The following STPG2 variants were observed in gnomAD, a reference collection of about 807,000 sequenced individuals.
The protein encoded by STPG2 is sperm-tail PG-rich repeat-containing protein 2.
Under a neutral mutation model 54.2 loss-of-function variants are expected in STPG2, and 56 were observed. That is an observed-to-expected ratio of 1.03 (90% CI 0.83 to 1.29). The LOEUF (loss-of-function observed/expected upper bound fraction) is 1.29, where lower values mean the gene tolerates loss of function less well. Ranked by LOEUF, STPG2 falls within the 50% of genes most tolerant of loss-of-function variation. The probability of loss-of-function intolerance (pLI) is 0.00; values close to 1 mark genes in which losing one functional copy is unlikely to be tolerated. For synonymous variants in STPG2, 200 were observed against 181.8 expected, an observed-to-expected ratio of 1.10 and a Z score of -0.81; for missense variants, 596 against 544.9, an observed-to-expected ratio of 1.09 and a Z score of -0.93.
intron 10 of STPG2, among the ~76,000 whole-genome samples, chr4:97,693,545 T>G (rs1022571604): frequency 6.6e-6 from 1 of 152,110 alleles, no homozygotes; most frequent in African/African-American, 2.4e-5. Flanking sequence ...CAATTACTAC[T>G]AGACCAAGAA....
intron 10 of STPG2, among the ~76,000 whole-genome samples, chr4:97,709,758 G>T (rs9654187): frequency 0.59 from 89,229 of 151,468 alleles, 26,583 homozygotes; most frequent in South Asian, 0.68. Context: ...TAAAAAAACA[G>T]TTTTTTGGTC....
intron 1 of STPG2, among the ~76,000 whole-genome samples, chr4:98,136,108 A>AG (rs1162284927): frequency 1.3e-5 from 2 of 151,636 alleles, no homozygotes; most frequent in Non-Finnish European, 3.0e-5. Flanking sequence ...TCAACAAGGT[A>AG]GAAAAAAGAT....
At chr4:98,042,332 A>G (rs1360891845) in intron 5 of STPG2, among the ~76,000 whole-genome samples, 1 of 148,390 alleles carries the variant, frequency 6.7e-6, no homozygotes, top group African/African-American at 2.5e-5. Flanking sequence ...ATATAGTTCT[A>G]CTCTGATCTT....
chr4:97,883,618 T>C (rs1430801084), intron 8 of STPG2, among the ~76,000 whole-genome samples: 7 of 151,870 alleles, frequency 4.6e-5, no homozygotes. Flanking sequence ...AGATAAAGAA[T>C]GCACCCTATT....
At chr4:98,058,026 AC>A (rs1396604758) in intron 5 of STPG2, among the ~76,000 whole-genome samples, 1 of 152,192 alleles carries the variant, frequency 6.6e-6, no homozygotes, top group Non-Finnish European at 1.5e-5. Context: ...TTACCACCAG[AC>A]CTGCCTTACA....
At chr4:98,004,690 G>C (rs909863049) in intron 5 of STPG2, among the ~76,000 whole-genome samples, 10 of 152,024 alleles carry the variant, frequency 6.6e-5, no homozygotes, top group African/African-American at 9.7e-5. Context: ...TCTAAGAGGT[G>C]GGAGATGATA....
rs1201993867 is a variant in STPG2 at position 97,840,862 on chromosome 4, A to C, written c.1115T>G (p.Met372Arg). The C allele has an allele frequency of 1.9e-6, 3 of 1,612,178 alleles. No homozygotes were observed. Among genetic ancestry groups the C allele is most frequent in the African/African-American group, 1.3e-5 (1 of 74,808 alleles). Residue 372 changes from methionine (M) to arginine (R), a missense_variant, in exon 9 of 11, where the codon ATG becomes AGG. Transcript: ENST00000295268. The part of the protein sequence containing the change: ...YEMSQVKHKY[M>R]PPRSLVAKRK... Reference sequence around the variant, plus strand: ...TTTAGCCACTAAACTACGAGGTGGCATATATTTATGCTTAACTTGGGACAT... The same window carrying C: ...TTTAGCCACTAAACTACGAGGTGGCCTATATTTATGCTTAACTTGGGACAT...
intron 5 of STPG2, among the ~76,000 whole-genome samples, chr4:97,985,428 T>C (rs1271981890): frequency 6.6e-6 from 1 of 152,186 alleles, no homozygotes; most frequent in Non-Finnish European, 1.5e-5. Flanking sequence ...ATATTGTGTA[T>C]TTAAAATTAA....
chr4:98,020,200 C>A, intron 5 of STPG2, among the ~76,000 whole-genome samples: 1 of 132,778 alleles, frequency 7.5e-6, no homozygotes, highest in African/African-American at 3.0e-5. Flanking sequence ...CCATCAATAC[C>A]TAATTTATTG....
At chr4:97,724,353 C>T (rs1724553334) in intron 9 of STPG2, among the ~76,000 whole-genome samples, 1 of 152,154 alleles carries the variant, frequency 6.6e-6, no homozygotes, top group South Asian at 2.1e-4. Flanking sequence ...TATATAAAGT[C>T]ATCACATTCA....
intron 10 of STPG2, among the ~76,000 whole-genome samples, chr4:97,703,357 A>C (rs1442361418): frequency 6.7e-6 from 1 of 148,454 alleles, no homozygotes; most frequent in Admixed American, 6.9e-5. Flanking sequence ...AATCTGTATT[A>C]GTCAGGGTTC....
chr4:97,724,290 T>C (rs78840770), intron 9 of STPG2, among the ~76,000 whole-genome samples: 2,796 of 152,256 alleles, frequency 0.018, 77 homozygotes, highest in African/African-American at 0.064. Flanking sequence ...CCAACTGGAA[T>C]CTTAAGTGGG....
At chr4:98,010,669 A>G (rs1389250822) in intron 5 of STPG2, among the ~76,000 whole-genome samples, 3 of 151,682 alleles carry the variant, frequency 2.0e-5, no homozygotes, top group Admixed American at 2.0e-4. Context: ...TACTATTGCT[A>G]TTTTGCTGAT....
intron 5 of STPG2, among the ~76,000 whole-genome samples, chr4:98,063,518 T>A (rs1737728577): frequency 6.6e-6 from 1 of 152,046 alleles, no homozygotes; most frequent in Non-Finnish European, 1.5e-5. Flanking sequence ...CTATCAAATT[T>A]TATACAATGT....
At chr4:98,072,827 GC>G (rs1738047698) in intron 5 of STPG2, among the ~76,000 whole-genome samples, 1 of 152,146 alleles carries the variant, frequency 6.6e-6, no homozygotes, top group Non-Finnish European at 1.5e-5. Flanking sequence ...AGAGTAGCAA[GC>G]CAACCTAGCA....
intron 5 of STPG2, among the ~76,000 whole-genome samples, chr4:98,029,051 T>C (rs1385307338): frequency 2.0e-5 from 3 of 152,142 alleles, no homozygotes; most frequent in Admixed American, 1.3e-4. Flanking sequence ...AGAGCATATT[T>C]TCTATTATTT....
intron 4 of STPG2, among the ~76,000 whole-genome samples, chr4:97,469,997 T>C (rs1161069042): frequency 6.6e-6 from 1 of 152,090 alleles, no homozygotes; most frequent in Non-Finnish European, 1.5e-5. Context: ...AATAAAGAAA[T>C]AGAAATTTAC....
intron 10 of STPG2, among the ~76,000 whole-genome samples, chr4:97,667,172 T>C (rs1013374306): frequency 5.9e-5 from 9 of 152,312 alleles, no homozygotes; most frequent in Admixed American, 3.3e-4. Context: ...ACTAGAAATA[T>C]AAACTTTAAC....
chr4:97,599,556 G>T (rs530478251), intron 10 of STPG2, among the ~76,000 whole-genome samples: 5 of 152,206 alleles, frequency 3.3e-5, no homozygotes, highest in Admixed American at 3.3e-4. Context: ...GGGTGCGGTG[G>T]CTCATGCCTG....
Sources: gnomAD v4.1 joint callset for allele counts (sites outside exome capture counted in the v4.1 genomes callset) on GRCh38, gnomAD v4.1.1 for gene constraint, MANE v1.5 for transcripts, NCBI Gene and HGNC (gene_info 2026-07-23, HGNC 2026-07-21) for gene names.